Variants in PHF14 observed in about 807,000 individuals in gnomAD.
The protein encoded by PHF14 is PHD finger protein 14.
In PHF14, 55 loss-of-function variants were observed where a neutral mutation model predicts 117.9. The ratio of observed to expected loss-of-function variants is 0.47; its 90% CI spans 0.38 to 0.58. The LOEUF (loss-of-function observed/expected upper bound fraction) is 0.58. PHF14 is among the 20% of genes least tolerant of loss of function. PHF14 has a pLI of 0.00. For missense variants in PHF14, 978 were observed against 1,122.2 expected (o/e 0.87, Z 1.84); for synonymous variants, 409 against 368.6 (o/e 1.11, Z -1.26).
intron 17 of PHF14, among the ~76,000 whole-genome samples, chr7:11,155,017 G>C (rs1176982851): frequency 1.3e-5 from 2 of 151,998 alleles, no homozygotes; most frequent in Non-Finnish European, 2.9e-5. Flanking sequence ...TCTATCTGTA[G>C]GTACCTATCT....
intron 6 of PHF14, among the ~76,000 whole-genome samples, chr7:11,024,641 A>G (rs1046920415): frequency 2.0e-5 from 3 of 152,222 alleles, no homozygotes; most frequent in Admixed American, 1.3e-4. Context: ...TAAATGGAAC[A>G]ACAAAGCCTG....
chr7:10,984,131 C>T (rs141059503), intron 3 of PHF14, among the ~76,000 whole-genome samples: 27 of 152,188 alleles, frequency 1.8e-4, no homozygotes, highest in African/African-American at 5.8e-4. Context: ...GTAAGTTAAA[C>T]GGGTAGAAAG....
chr7:11,041,135 C>CTAT (rs1784491663), intron 12 of PHF14, among the ~76,000 whole-genome samples: 1 of 151,898 alleles, frequency 6.6e-6, no homozygotes, highest in Non-Finnish European at 1.5e-5. Flanking sequence ...TGATGGGTAT[C>CTAT]ATATATGTAT....
chr7:11,147,949 A>G (rs1788594272), intron 17 of PHF14, among the ~76,000 whole-genome samples: 1 of 152,088 alleles, frequency 6.6e-6, no homozygotes. Context: ...ATTCTTCTCT[A>G]TTCCCATCAC....
rs187224419 is a variant in PHF14, at chr7:11,050,010, T to A, written c.2313-1602T>A. On this transcript the variant is annotated intron_variant, in intron 13 of 17. Transcript: ENST00000634607. ...TAGTGCTCAAAGTTTTGCTAACCTA[T>A]TCTTAAATAATTGGAAATTTTAAGA... Among the ~76,000 whole-genome samples, 8 of 152,336 alleles carry A rather than the reference T, an allele frequency of 5.3e-5. No homozygotes were observed. The East Asian group carries it at 1.5e-3, about 29-fold the overall frequency.
intron 11 of PHF14, 37 bp downstream of exon 11, chr7:11,038,892 T>C (rs1490938129): frequency 1.0e-6 from 1 of 960,574 alleles, no homozygotes; most frequent in East Asian, 2.6e-5. Context: ...CTTCAGTTCT[T>C]GCTCCCTATA....
intron 17 of PHF14, among the ~76,000 whole-genome samples, chr7:11,138,357 A>G (rs182425208): frequency 2.1e-4 from 32 of 152,302 alleles, no homozygotes; most frequent in Admixed American, 2.1e-3. Context: ...ATATTTCTAA[A>G]GAGACTCCTT....
At chr7:10,977,508 A>G (rs955790448) in intron 2 of PHF14, among the ~76,000 whole-genome samples, 1 of 152,184 alleles carries the variant, frequency 6.6e-6, no homozygotes, top group Non-Finnish European at 1.5e-5. Context: ...ATTTAACTCT[A>G]TCATAAAATA....
At chr7:11,016,268 A>G (rs1179545647) in intron 5 of PHF14, among the ~76,000 whole-genome samples, 1 of 152,190 alleles carries the variant, frequency 6.6e-6, no homozygotes, top group Non-Finnish European at 1.5e-5. Flanking sequence ...ACGTAATACT[A>G]GTTTGATTAA....
At chr7:11,014,140 C>T (rs1783443672) in intron 5 of PHF14, among the ~76,000 whole-genome samples, 1 of 152,036 alleles carries the variant, frequency 6.6e-6, no homozygotes, top group Non-Finnish European at 1.5e-5. Flanking sequence ...TAATAATTGA[C>T]CCTATGATGA....
At chr7:11,097,863 G>A (rs1294751342) in intron 16 of PHF14, among the ~76,000 whole-genome samples, 1 of 151,918 alleles carries the variant, frequency 6.6e-6, no homozygotes, top group Non-Finnish European at 1.5e-5. Context: ...CTCTAGCTCT[G>A]AGCTGTCAAA....
intron 14 of PHF14, among the ~76,000 whole-genome samples, chr7:11,052,123 C>CT (rs1370404962): frequency 6.6e-6 from 1 of 152,142 alleles, no homozygotes; most frequent in African/African-American, 2.4e-5. Context: ...CTCAGCTTTA[C>CT]TTTTCTCATT....
In PHF14 at chr7:11,028,811, C is replaced by T. The variant is rs375842099; in HGVS notation, c.1448C>T (p.Ala483Val). 3.1e-6 allele frequency: 5 copies of T among 1,613,276 alleles called. No homozygotes were observed. Among genetic ancestry groups the T allele is most frequent in the Non-Finnish European group, 4.2e-6 (5 of 1,179,524 alleles). The change falls in exon 7 of 18, where the codon GCG becomes GTG. Residue 483 changes from alanine to valine, a missense_variant. This residue lies in a region of PHF14 where 23 missense variants were observed against 66.8 expected (regional missense o/e 0.34). Coordinates refer to ENST00000634607, the MANE Select transcript of PHF14 (RefSeq NM_001007157.2). ...QKEGLLSEAA[A>V]EEDIADPFFA... ...GAAGGTCTGCTTTCAGAGGCAGCGGCGGAAGAGGTAGGTTTATTTAAACCC... is the reference window on the plus strand; with the variant it reads ...GAAGGTCTGCTTTCAGAGGCAGCGGTGGAAGAGGTAGGTTTATTTAAACCC...
intron 17 of PHF14, among the ~76,000 whole-genome samples, chr7:11,132,057 A>G (rs79788440): frequency 0.02 from 2,984 of 151,906 alleles, 94 homozygotes; most frequent in East Asian, 0.11. Context: ...TCAAGTTAGC[A>G]TATCCATCAT....
intron 17 of PHF14, among the ~76,000 whole-genome samples, chr7:11,153,324 G>A (rs1057373577): frequency 6.6e-6 from 1 of 152,056 alleles, no homozygotes; most frequent in Non-Finnish European, 1.5e-5. Context: ...AGGAATTAAG[G>A]AATGACCCCT....
intron 17 of PHF14, among the ~76,000 whole-genome samples, chr7:11,160,971 G>T (rs890322864): frequency 1.3e-5 from 2 of 152,090 alleles, no homozygotes; most frequent in Non-Finnish European, 2.9e-5. Context: ...TGAGGACATA[G>T]TCATAAATTC....
chr7:11,129,413 C>G lies in PHF14; in HGVS notation c.2772+17946C>G, dbSNP rs73284602. ...CTGTTAACATTTAATAGTACCTGTT[C>G]ACAGATTTCTTTGGAATAGACACAG... On this transcript the variant is annotated intron_variant, in intron 17 of 17. Coordinates refer to ENST00000634607, the MANE Select transcript of PHF14 (RefSeq NM_001007157.2). Among the ~76,000 whole-genome samples, 645 of 152,084 alleles carry G rather than the reference C, an allele frequency of 4.2e-3. 2 individuals are homozygous for G. Among genetic ancestry groups the G allele is most frequent in the African/African-American group, 0.014 (597 of 41,510 alleles).
chr7:11,095,457 A>G (rs772300540), intron 16 of PHF14, among the ~76,000 whole-genome samples: 11 of 152,100 alleles, frequency 7.2e-5, no homozygotes, highest in Non-Finnish European at 1.5e-4. Context: ...AATTAACTCA[A>G]TTTCCTCTGT....
intron 17 of PHF14, among the ~76,000 whole-genome samples, chr7:11,145,859 A>G (rs958303110): frequency 4.6e-5 from 7 of 152,088 alleles, no homozygotes; most frequent in African/African-American, 1.7e-4. Context: ...GTTATACATT[A>G]CCATATGTTA....
Sources: allele counts gnomAD v4.1 joint callset (sites outside exome capture counted in the v4.1 genomes callset), GRCh38; gene constraint gnomAD v4.1.1; regional missense constraint gnomAD v4.1.1; transcripts MANE v1.5; gene names NCBI Gene and HGNC (gene_info 2026-07-23, HGNC 2026-07-21).